NPRL3: variants seen among roughly 807,000 people sequenced by gnomAD.
NPRL3 encodes the protein NPR3 like, GATOR1 complex subunit, also known as GATOR1 complex protein NPRL3.
A neutral mutation model predicts 57.2 loss-of-function variants in NPRL3; 23 were observed. The ratio of observed to expected loss-of-function variants is 0.40; its 90% CI spans 0.29 to 0.57. The LOEUF (loss-of-function observed/expected upper bound fraction) is 0.57. NPRL3 is among the 20% of genes least tolerant of loss of function. The probability of loss-of-function intolerance (pLI) is 0.42; values close to 1 mark genes in which losing one functional copy is unlikely to be tolerated. For missense variants in NPRL3, 691 were observed against 767.1 expected (o/e 0.90, Z 1.17); for synonymous variants, 333 against 321.1 (o/e 1.04, Z -0.39).
Position 100,353 on chromosome 16 carries a change from C to G in NPRL3, c.767+19G>C. ...GAAGGGCCCTGGCAGGGAGTGAGCA[C>G]GTGGGGCTGGGCACTTACCGGATGG... On this transcript the variant is annotated intron_variant, in intron 8 of 13. Transcript: ENST00000611875. The G allele has an allele frequency of 6.7e-7, 1 of 1,488,516 alleles. No homozygotes were observed. Among genetic ancestry groups the G allele is most frequent in the Non-Finnish European group, 9.0e-7 (1 of 1,114,540 alleles). 92.2% of individuals were successfully genotyped at this position (1,488,516 alleles called of 1,614,324 possible). A position where few individuals can be genotyped will look rare whatever the true frequency, so the allele number is the denominator to read the frequency against.
chr16:106,451 G>A (rs534790217), intron 7 of NPRL3, among the ~76,000 whole-genome samples: 7 of 152,062 alleles, frequency 4.6e-5, no homozygotes, highest in Admixed American at 3.3e-4. Flanking sequence ...AGGGTAACAT[G>A]GCAAAATCCC....
intron 2 of NPRL3, among the ~76,000 whole-genome samples, chr16:132,774 A>T (rs1235746139): frequency 6.9e-6 from 1 of 145,446 alleles, no homozygotes; most frequent in East Asian, 2.0e-4. Context: ...GATTCACGCC[A>T]TTCTCCTGCC....
chr16:134,694 ATTTTTT>A (rs34425237), intron 2 of NPRL3, among the ~76,000 whole-genome samples: 4 of 103,414 alleles, frequency 3.9e-5, no homozygotes, highest in Admixed American at 1.2e-4. Flanking sequence ...AATTATTATT[ATTTTTT>A]TTTTTTTTTT....
rs765599501 is a variant in NPRL3, at chr16:92,718, G to A, written c.1039C>T (p.Pro347Ser). The change falls in exon 11 of 14, where the codon CCG becomes TCG. Residue 347 changes from proline to serine, a missense_variant. Pro to Ser is a moderately conservative substitution (Grantham distance 74). Coordinates refer to ENST00000611875, the MANE Select transcript of NPRL3 (RefSeq NM_001077350.3). ...TGGTGGGAGAACTGCTCGGCCAGCG[G>A]GGAGTACCTGCAGGCAGGTGAGCAT... ...SPNASVCLYS[P>S]LAEQFSHQFP... 5 of 1,613,504 alleles carry A rather than the reference G, an allele frequency of 3.1e-6. No homozygotes were observed. Among genetic ancestry groups the A allele is most frequent in the Admixed American group, 3.3e-5 (2 of 59,962 alleles).
At chr16:98,891 T>G (rs796445970) in intron 8 of NPRL3, among the ~76,000 whole-genome samples, 7 of 152,212 alleles carry the variant, frequency 4.6e-5, no homozygotes, top group African/African-American at 1.7e-4. Flanking sequence ...TGAGCCGAGA[T>G]TGCGCCATTG....
intron 9 of NPRL3, among the ~76,000 whole-genome samples, chr16:96,867 G>A (rs992551050): frequency 2.0e-5 from 3 of 152,248 alleles, no homozygotes; most frequent in African/African-American, 4.8e-5. Context: ...ATACAGAGGC[G>A]GGAGACTTAC....
rs1199226176 is a variant in NPRL3, at chr16:119,170, G to C, written c.274C>G (p.Arg92Gly). The C allele has an allele frequency of 3.1e-6, 5 of 1,613,240 alleles. No homozygotes were observed. The South Asian group carries it at 5.5e-5, about 18-fold the overall frequency. ...QKFELKIDNVRFVGHPTLLQH... is the reference protein window; with the variant it reads ...QKFELKIDNVGFVGHPTLLQH... ...AGCAGTGTTGGGTGCCCAACAAATC[G>C]CACATTATCAATCTTCAGTTCAAAT... The change falls in exon 4 of 14, where the codon CGA becomes GGA. Residue 92 changes from arginine (R) to glycine (G), a missense_variant. Transcript: ENST00000611875.
At position 125,076 on chromosome 16, in the gene NPRL3, CAAA is replaced by C. The variant is rs61016911; in HGVS notation, c.188+5443_188+5445del. 69 of 66,880 alleles carry C rather than the reference CAAA, an allele frequency of 1.0e-3. No homozygotes were observed. In the Middle Eastern group the frequency reaches 0.011, roughly 11 times the overall value. The allele number at this position is 66,880 out of a possible 1,614,324, so 4.1% of individuals were successfully genotyped here. On this transcript the variant is annotated intron_variant, in intron 3 of 13. Transcript: ENST00000611875. Reference sequence around the variant, plus strand: ...TGGGCGACAGAGTGAAACTTTGTCTCAAAAAAAAAAAAAAAAAAAAACCTTTAT... The same window carrying C: ...TGGGCGACAGAGTGAAACTTTGTCTCAAAAAAAAAAAAAAAAAACCTTTAT...
chr16:127,048 T>A (rs1172345223), intron 3 of NPRL3: 1 of 152,206 alleles, frequency 6.6e-6, no homozygotes, highest in Non-Finnish European at 1.5e-5. Flanking sequence ...TTTTTTGTAT[T>A]TTTGGTAGAG....
intron 7 of NPRL3, among the ~76,000 whole-genome samples, chr16:103,295 G>GTTTTTTTTTTTTTTTT (rs1331235205): frequency 6.3e-5 from 1 of 15,916 alleles, no homozygotes; most frequent in Non-Finnish European, 1.4e-4. Context: ...CGCCTGGGGT[G>GTTTTTTTTTTTTTTTT]ATTTTTTTTT....
chr16:86,808 C>A lies in NPRL3; in HGVS notation c.1607G>T (p.Arg536Leu). The A allele has an allele frequency of 6.2e-7, 1 of 1,612,590 alleles. No homozygotes were observed. Among genetic ancestry groups the A allele is most frequent in the Non-Finnish European group, 8.5e-7 (1 of 1,179,414 alleles). The change falls in exon 14 of 14, where the codon CGG (arginine) becomes CTG (leucine). Residue 536 changes from arginine to leucine, a missense_variant. Transcript: ENST00000611875. ...LEEIMYNENT[R>L]RSQLLMLFDK... ...AAACAGCATGAGCAGCTGGGAGCGC[C>A]GCGTGTTCTCGTTGTACATAATCTC...
chr16:95,665 G>A (rs1898975871), intron 9 of NPRL3, among the ~76,000 whole-genome samples: 2 of 152,042 alleles, frequency 1.3e-5, no homozygotes, highest in African/African-American at 2.4e-5. Flanking sequence ...GAACACCAGG[G>A]CTCAAGTGAT....
intron 5 of NPRL3, among the ~76,000 whole-genome samples, chr16:113,822 C>T (rs1341077717): frequency 6.6e-6 from 1 of 152,198 alleles, no homozygotes; most frequent in East Asian, 1.9e-4. Flanking sequence ...ACAGTAAATA[C>T]GTTCTTCATC....
At chr16:136,696 AAAAAAAG>A (rs1031985749) in intron 2 of NPRL3, among the ~76,000 whole-genome samples, 2 of 151,536 alleles carry the variant, frequency 1.3e-5, no homozygotes, top group Non-Finnish European at 2.9e-5. Flanking sequence ...TCAAAAAAAA[AAAAAAAG>A]AAAAAAGAAA....
At chr16:101,667 C>T (rs534996836) in intron 7 of NPRL3, among the ~76,000 whole-genome samples, 44 of 152,342 alleles carry the variant, frequency 2.9e-4, no homozygotes, top group African/African-American at 9.9e-4. Flanking sequence ...GCCCCTCTGA[C>T]TACCGCTCCC....
chr16:112,578 C>G (rs1388552879), intron 6 of NPRL3, 44 bp downstream of exon 6: 6 of 1,449,532 alleles, frequency 4.1e-6, no homozygotes, highest in Non-Finnish European at 4.6e-6. Context: ...AGAGAGGCCA[C>G]CAGCCAGCCC....
chr16:118,310 T>C (rs982133006), intron 4 of NPRL3, among the ~76,000 whole-genome samples: 1 of 152,152 alleles, frequency 6.6e-6, no homozygotes, highest in African/African-American at 2.4e-5. Flanking sequence ...GTGTACAAGT[T>C]CCCTTCATCC....
chr16:92,362 A>G (rs1474622112), intron 11 of NPRL3, among the ~76,000 whole-genome samples: 4 of 152,156 alleles, frequency 2.6e-5, no homozygotes, highest in Admixed American at 2.0e-4. Flanking sequence ...GGTGGGCTCT[A>G]TGGGGAGGGA....
intron 13 of NPRL3, among the ~76,000 whole-genome samples, chr16:87,830 A>G (rs1196958119): frequency 1.3e-5 from 2 of 149,052 alleles, no homozygotes; most frequent in Non-Finnish European, 3.0e-5. Flanking sequence ...TCAGCCTCCC[A>G]AAGTGCTGGG....
Sources: allele counts gnomAD v4.1 joint callset (sites outside exome capture counted in the v4.1 genomes callset), GRCh38; gene constraint gnomAD v4.1.1; transcripts MANE v1.5; gene names NCBI Gene and HGNC (gene_info 2026-07-23, HGNC 2026-07-21).